ACTR2: variants seen among roughly 807,000 people sequenced by gnomAD.
ACTR2 encodes the protein actin related protein 2.
In ACTR2, 5 loss-of-function variants were observed where a neutral mutation model predicts 50.2. That is an observed-to-expected ratio of 0.10 (90% CI 0.05 to 0.21). ACTR2 has a LOEUF of 0.21. ACTR2 is among the 10% of genes least tolerant of loss of function. The pLI, the probability that ACTR2 is intolerant of heterozygous loss-of-function variation, is 1.00. For synonymous variants in ACTR2, 140 were observed against 162.9 expected (o/e 0.86, Z 1.07); for missense variants, 180 against 480.6 (o/e 0.37, Z 5.85).
At chr2:65,229,313 TTGGAATC>T (rs1671591418) in intron 1 of ACTR2, among the ~76,000 whole-genome samples, 1 of 152,150 alleles carries the variant, frequency 6.6e-6, no homozygotes. Context: ...ACAAAACACT[TTGGAATC>T]TGAATTGTTG....
intron 7 of ACTR2, among the ~76,000 whole-genome samples, chr2:65,264,179 T>C (rs1340866670): frequency 6.6e-6 from 1 of 152,236 alleles, no homozygotes; most frequent in African/African-American, 2.4e-5. Context: ...ACTCAAATTT[T>C]GTTTTGTGTG....
chr2:65,263,266 T>TG (rs1672309630), intron 7 of ACTR2, among the ~76,000 whole-genome samples: 2 of 37,106 alleles, frequency 5.4e-5, no homozygotes, highest in Non-Finnish European at 1.5e-4. Flanking sequence ...GAGTTTTGGG[T>TG]TTTTTTTTTT....
intron 6 of ACTR2, among the ~76,000 whole-genome samples, chr2:65,256,401 A>C (rs959864143): frequency 1.3e-5 from 2 of 152,166 alleles, no homozygotes; most frequent in African/African-American, 4.8e-5. Flanking sequence ...TTACCATCTT[A>C]AGCCTATTAA....
chr2:65,260,076 C>T (rs1468805075), intron 6 of ACTR2, among the ~76,000 whole-genome samples: 1 of 152,188 alleles, frequency 6.6e-6, no homozygotes, highest in East Asian at 1.9e-4. Context: ...TAGTCTAGAC[C>T]AGTGTTCTGT....
chr2:65,240,682 C>T (rs1455782751), intron 2 of ACTR2, among the ~76,000 whole-genome samples: 2 of 152,296 alleles, frequency 1.3e-5, no homozygotes, highest in East Asian at 3.9e-4. Flanking sequence ...GGACAGTAGT[C>T]ACCAGTTGGC....
At chr2:65,244,338 A>G (rs1671895262) in intron 2 of ACTR2, among the ~76,000 whole-genome samples, 1 of 150,644 alleles carries the variant, frequency 6.6e-6, no homozygotes. Flanking sequence ...AGTTAGTAAC[A>G]AAAATGGTAT....
chr2:65,250,180 C>T (rs906107437), intron 3 of ACTR2, among the ~76,000 whole-genome samples: 19 of 148,446 alleles, frequency 1.3e-4, no homozygotes, highest in African/African-American at 4.0e-4. Flanking sequence ...CTGGCTAACA[C>T]GGTGAAACCC....
At chr2:65,257,617 T>C (rs1225448340) in intron 6 of ACTR2, among the ~76,000 whole-genome samples, 7 of 152,232 alleles carry the variant, frequency 4.6e-5, no homozygotes, top group Non-Finnish European at 1.0e-4. Context: ...ATCTGTTGTT[T>C]CCTGACTTTT....
intron 1 of ACTR2, among the ~76,000 whole-genome samples, chr2:65,232,417 A>C (rs1039309433): frequency 6.6e-6 from 1 of 152,232 alleles, no homozygotes; most frequent in African/African-American, 2.4e-5. Flanking sequence ...TATCGGGCTT[A>C]TGCTACTTTA....
At chr2:65,232,949 T>G (rs1671667793) in intron 1 of ACTR2, among the ~76,000 whole-genome samples, 1 of 151,896 alleles carries the variant, frequency 6.6e-6, no homozygotes, top group African/African-American at 2.4e-5. Context: ...TACCAAATGA[T>G]AGTTTAGAAA....
intron 3 of ACTR2, among the ~76,000 whole-genome samples, chr2:65,248,183 C>T (rs1558624102): frequency 6.6e-6 from 1 of 152,036 alleles, no homozygotes; most frequent in African/African-American, 2.4e-5. Context: ...GGGCGGATCA[C>T]GAGGTCAAGA....
At chr2:65,231,893 T>C (rs1208884303) in intron 1 of ACTR2, among the ~76,000 whole-genome samples, 2 of 152,116 alleles carry the variant, frequency 1.3e-5, no homozygotes, top group East Asian at 1.9e-4. Context: ...TTAAGAAAGT[T>C]TGTGAATTTG....
At chr2:65,231,610 G>A (rs1042026593) in intron 1 of ACTR2, among the ~76,000 whole-genome samples, 5 of 152,090 alleles carry the variant, frequency 3.3e-5, no homozygotes, top group Non-Finnish European at 5.9e-5. Context: ...CGAGGTGAGA[G>A]GATTTCTTGA....
At chr2:65,257,774 C>G (rs1249069363) in intron 6 of ACTR2, among the ~76,000 whole-genome samples, 2 of 152,326 alleles carry the variant, frequency 1.3e-5, no homozygotes, top group East Asian at 3.9e-4. Context: ...CCTTTGCCCA[C>G]TTTTTCATGG....
At position 65,270,467 on chromosome 2, in the gene ACTR2, T is replaced by C. The variant is rs903052848; in HGVS notation, c.*1733T>C. ...TAGCCCGTACTAGATCTTGGGAACA[T>C]GGATCTTAGAGTCACTTTGGAATAA... On this transcript the variant is annotated 3_prime_UTR_variant, in exon 9 of 9. Coordinates refer to ENST00000260641, the MANE Select transcript of ACTR2 (RefSeq NM_005722.4). The C allele has an allele frequency of 2.6e-5, 4 of 152,618 alleles. No individual in the cohort carries two copies. Among genetic ancestry groups the C allele is most frequent in the Admixed American group, 6.5e-5 (1 of 15,274 alleles). The allele number at this position is 152,618 out of a possible 1,614,324, so 9.5% of individuals were successfully genotyped here. A position where few individuals can be genotyped will look rare whatever the true frequency, so the allele number is the denominator to read the frequency against.
In ACTR2 at chr2:65,253,937, A is replaced by G. The variant is rs187796877; in HGVS notation, c.585+73A>G. On this transcript the variant is annotated intron_variant, in intron 5 of 8. Coordinates refer to ENST00000260641, the MANE Select transcript of ACTR2 (RefSeq NM_005722.4). ...ACCACCTTAACACAGAATTGAATCT[A>G]TCGTTTTAGGATTCCAGCAAATCTG... 789 of 1,337,678 alleles carry G rather than the reference A, an allele frequency of 5.9e-4. 4 individuals carry two copies. In the African/African-American group the frequency reaches 9.3e-3, roughly 16 times the overall value. 82.9% of individuals were successfully genotyped at this position (1,337,678 alleles called of 1,614,324 possible).
chr2:65,258,113 TC>T (rs1258594077), intron 6 of ACTR2, among the ~76,000 whole-genome samples: 1 of 152,232 alleles, frequency 6.6e-6, no homozygotes, highest in African/African-American at 2.4e-5. Context: ...GGAGATTCCT[TC>T]CTGAAGTCTT....
chr2:65,233,195 A>G (rs567470498), intron 1 of ACTR2, among the ~76,000 whole-genome samples: 1 of 152,022 alleles, frequency 6.6e-6, no homozygotes, highest in African/African-American at 2.4e-5. Context: ...TGGTTTCTCC[A>G]TGTTCGTCAG....
At chr2:65,243,280 A>AAAAAG (rs1040483057) in intron 2 of ACTR2, among the ~76,000 whole-genome samples, 2 of 152,138 alleles carry the variant, frequency 1.3e-5, no homozygotes, top group African/African-American at 4.8e-5. Flanking sequence ...CCATCTCAAA[A>AAAAAG]AAAAGAAAAG....
Sources: allele counts gnomAD v4.1 joint callset (sites outside exome capture counted in the v4.1 genomes callset), GRCh38; gene constraint gnomAD v4.1.1; transcripts MANE v1.5; gene names NCBI Gene and HGNC (gene_info 2026-07-23, HGNC 2026-07-21).